Variants in SLC4A4 observed in about 807,000 individuals in gnomAD.
The protein encoded by SLC4A4 is electrogenic sodium bicarbonate cotransporter 1.
Under a neutral mutation model 111.5 loss-of-function variants are expected in SLC4A4, and 27 were observed. The ratio of observed to expected loss-of-function variants is 0.24; its 90% CI spans 0.18 to 0.33. The LOEUF is 0.33. Ranked by LOEUF, SLC4A4 falls within the 10% of genes least tolerant of loss-of-function variation. SLC4A4 has a pLI of 1.00. For missense variants in SLC4A4, 909 were observed against 1,315.5 expected (o/e 0.69, Z 4.78); for synonymous variants, 443 against 463.4 (o/e 0.96, Z 0.57).
Position 71,570,502 on chromosome 4 carries a change from T to C in SLC4A4, c.*2751T>C, listed in dbSNP as rs1459400239. The C allele has an allele frequency of 6.6e-6, 1 of 152,232 alleles. No individual in the cohort carries two copies. The highest frequency in any genetic ancestry group is 2.4e-5 in the African/African-American group (1 of 41,404). 9.4% of individuals were successfully genotyped at this position (152,232 alleles called of 1,614,324 possible). On this transcript the variant is annotated 3_prime_UTR_variant, in exon 26 of 26. Transcript: ENST00000264485. ...CGGTATTTTAACTGAATTTACCCAT[T>C]GACTAAGAATGAACCAGATTTGGTG...
At chr4:71,139,760 T>A (rs1743946783) in intron 2 of SLC4A4, among the ~76,000 whole-genome samples, 1 of 152,246 alleles carries the variant, frequency 6.6e-6, no homozygotes, top group Non-Finnish European at 1.5e-5. Context: ...ACATGTAATA[T>A]TTTGTTTCAT....
At chr4:71,178,766 A>G (rs1745182835) in intron 2 of SLC4A4, among the ~76,000 whole-genome samples, 1 of 152,216 alleles carries the variant, frequency 6.6e-6, no homozygotes, top group Non-Finnish European at 1.5e-5. Context: ...GCCAAATTCT[A>G]CCAGAGGTAC....
At chr4:71,359,322 C>A (rs1730559552) in intron 6 of SLC4A4, among the ~76,000 whole-genome samples, 1 of 152,172 alleles carries the variant, frequency 6.6e-6, no homozygotes, top group Admixed American at 6.5e-5. Context: ...TCTTTTCCAG[C>A]TCTTCAGCTG....
intron 2 of SLC4A4, among the ~76,000 whole-genome samples, chr4:71,142,513 CTTTT>C (rs1744027039): frequency 6.6e-6 from 1 of 151,962 alleles, no homozygotes. Context: ...TACTTTCTTT[CTTTT>C]TGTTTGTTTG....
At chr4:71,096,417 G>T (rs772426518) in intron 2 of SLC4A4, among the ~76,000 whole-genome samples, 1 of 152,082 alleles carries the variant, frequency 6.6e-6, no homozygotes, top group Non-Finnish European at 1.5e-5. Context: ...AGATGAGAAG[G>T]ACAGTTCAGA....
chr4:71,424,170 A>G (rs1444108373), intron 7 of SLC4A4, among the ~76,000 whole-genome samples: 1 of 152,144 alleles, frequency 6.6e-6, no homozygotes, highest in Non-Finnish European at 1.5e-5. Flanking sequence ...CCCATCAAAA[A>G]GTGGGCAAAG....
At chr4:71,198,518 G>T (rs1263807579) in intron 1 of SLC4A4, among the ~76,000 whole-genome samples, 2 of 152,200 alleles carry the variant, frequency 1.3e-5, no homozygotes, top group Non-Finnish European at 2.9e-5. Flanking sequence ...GAGAATGGAG[G>T]AGTTTCTTTA....
chr4:71,189,363 A>G (rs578018795), intron 1 of SLC4A4, among the ~76,000 whole-genome samples: 56 of 152,300 alleles, frequency 3.7e-4, no homozygotes, highest in Middle Eastern at 3.4e-3. Flanking sequence ...AGATGTTTGA[A>G]TGTTAGTACT....
At chr4:71,311,302 A>C (rs945364772) in intron 3 of SLC4A4, among the ~76,000 whole-genome samples, 1 of 152,158 alleles carries the variant, frequency 6.6e-6, no homozygotes, top group African/African-American at 2.4e-5. Context: ...GAAAATTAAC[A>C]AGGATATTCA....
At chr4:71,086,263 A>G (rs1358919081) in intron 1 of SLC4A4, among the ~76,000 whole-genome samples, 3 of 151,332 alleles carry the variant, frequency 2.0e-5, no homozygotes, top group African/African-American at 7.4e-5. Context: ...TTGTATCCTG[A>G]GACTTTGCTG....
At chr4:71,389,707 AGTAGTGTTTATAGTAG>A (rs1298321576) in intron 6 of SLC4A4, among the ~76,000 whole-genome samples, 1 of 152,182 alleles carries the variant, frequency 6.6e-6, no homozygotes, top group Non-Finnish European at 1.5e-5. Flanking sequence ...GACTTTGCAC[AGTAGTGTTTATAGTAG>A]TAACTCCAAA....
chr4:71,113,608 C>T lies in SLC4A4; in HGVS notation c.-2+20816C>T, dbSNP rs367574817. Among the ~76,000 whole-genome samples, 19 of 152,236 alleles carry T rather than the reference C, an allele frequency of 1.2e-4. No homozygotes were observed. The East Asian group carries it at 1.5e-3, about 12-fold the overall frequency. ...TCTGTTCCCTTTCCATCCTTAATTGCGGTGGTCATGCACTTTAATAGAGAA... is the reference window on the plus strand; with the variant it reads ...TCTGTTCCCTTTCCATCCTTAATTGTGGTGGTCATGCACTTTAATAGAGAA... On this transcript the variant is annotated intron_variant, in intron 2 of 26. Coordinates refer to the SLC4A4 transcript ENST00000649996.
chr4:71,551,412 G>GTGA (rs1351766888), intron 20 of SLC4A4, among the ~76,000 whole-genome samples: 1 of 151,702 alleles, frequency 6.6e-6, no homozygotes, highest in Non-Finnish European at 1.5e-5. Context: ...GATGGTAATG[G>GTGA]TGATGATGAT....
intron 16 of SLC4A4, among the ~76,000 whole-genome samples, chr4:71,508,966 T>G (rs1230338040): frequency 6.6e-6 from 1 of 152,168 alleles, no homozygotes; most frequent in African/African-American, 2.4e-5. Context: ...AATCAAGAAA[T>G]GTGATTCATC....
In SLC4A4 at chr4:71,361,149, G is replaced by C. The variant is rs73826292; in HGVS notation, c.730+3962G>C. On this transcript the variant is annotated intron_variant, in intron 6 of 25. Transcript: ENST00000264485. ...CAGGAACCCCTCTATACTTGGTTGTGACAATATCCTTTATAACAGTAAAAA... is the reference window on the plus strand; with the variant it reads ...CAGGAACCCCTCTATACTTGGTTGTCACAATATCCTTTATAACAGTAAAAA... Among the ~76,000 whole-genome samples, 1,207 of 152,244 alleles carry C rather than the reference G, an allele frequency of 7.9e-3. 16 individuals are homozygous for C. The highest frequency in any genetic ancestry group is 0.026 in the African/African-American group (1,062 of 41,540).
intron 2 of SLC4A4, among the ~76,000 whole-genome samples, chr4:71,158,072 ATGTC>A (rs1331223352): frequency 6.9e-6 from 1 of 144,682 alleles, no homozygotes; most frequent in Non-Finnish European, 1.5e-5. Flanking sequence ...AAAAATGAGA[ATGTC>A]AGGCAAACAC....
intron 3 of SLC4A4, among the ~76,000 whole-genome samples, chr4:71,276,452 C>T (rs192884811): frequency 3.3e-5 from 5 of 152,288 alleles, no homozygotes; most frequent in African/African-American, 9.6e-5. Flanking sequence ...TAGTTACACC[C>T]CCTCCTTTCA....
intron 1 of SLC4A4, among the ~76,000 whole-genome samples, chr4:71,068,449 G>C (rs543289525): frequency 6.6e-5 from 10 of 152,034 alleles, no homozygotes; most frequent in African/African-American, 2.4e-4. Context: ...TTTTGGTACC[G>C]TCAGACTCTC....
intron 1 of SLC4A4, among the ~76,000 whole-genome samples, chr4:71,195,069 A>G (rs1463480477): frequency 6.6e-6 from 1 of 151,962 alleles, no homozygotes; most frequent in Non-Finnish European, 1.5e-5. Flanking sequence ...AATGTGTATG[A>G]TTTTTGTTTT....
Sources: gnomAD v4.1 joint callset for allele counts (sites outside exome capture counted in the v4.1 genomes callset) on GRCh38, gnomAD v4.1.1 for gene constraint, MANE v1.5 for transcripts, NCBI Gene and HGNC (gene_info 2026-07-23, HGNC 2026-07-21) for gene names.